ASAP1: variants seen among roughly 807,000 people sequenced by gnomAD.
ASAP1 encodes arf-GAP with SH3 domain, ANK repeat and PH domain-containing protein 1.
Under a neutral mutation model 145.2 loss-of-function variants are expected in ASAP1, and 43 were observed. That is an observed-to-expected ratio of 0.30 (90% CI 0.23 to 0.38). The LOEUF is 0.38. Among genes scored for constraint, ASAP1 ranks in the 10% least tolerant of loss-of-function variants. ASAP1 has a pLI of 1.00. For missense variants in ASAP1, 1,018 were observed against 1,355.3 expected, an observed-to-expected ratio of 0.75 and a Z score of 3.91; for synonymous variants, 546 against 515.5, an observed-to-expected ratio of 1.06 and a Z score of -0.80.
At chr8:130,064,892 A>AATGT (rs1241923340) in intron 27 of ASAP1, among the ~76,000 whole-genome samples, 4 of 106,022 alleles carry the variant, frequency 3.8e-5, no homozygotes, top group African/African-American at 1.6e-4. Flanking sequence ...GTTTACTAAG[A>AATGT]ATGTGTGTGT....
At chr8:130,288,192 G>C (rs975777064) in intron 3 of ASAP1, among the ~76,000 whole-genome samples, 1 of 152,166 alleles carries the variant, frequency 6.6e-6, no homozygotes. Context: ...GAAGCTGCTT[G>C]AGGCTTTTCA....
intron 3 of ASAP1, among the ~76,000 whole-genome samples, chr8:130,326,785 T>A (rs1477102129): frequency 6.6e-6 from 1 of 152,254 alleles, no homozygotes; most frequent in Non-Finnish European, 1.5e-5. Flanking sequence ...AGCATTAATT[T>A]AATGCTTCTC....
chr8:130,190,885 A>C (rs930139044), intron 5 of ASAP1, among the ~76,000 whole-genome samples: 1 of 152,134 alleles, frequency 6.6e-6, no homozygotes, highest in Non-Finnish European at 1.5e-5. Context: ...ATTTGAAGTC[A>C]GGTAATGTGA....
At chr8:130,362,358 C>T (rs975157830) in intron 2 of ASAP1, among the ~76,000 whole-genome samples, 1 of 152,116 alleles carries the variant, frequency 6.6e-6, no homozygotes, top group Non-Finnish European at 1.5e-5. Context: ...CATGGAATGA[C>T]GACAATGGCT....
intron 22 of ASAP1, 23 bp downstream of exon 22, chr8:130,116,655 C>G: frequency 1.2e-6 from 2 of 1,606,020 alleles, no homozygotes; most frequent in Non-Finnish European, 1.7e-6. Flanking sequence ...TCTAATAAAT[C>G]TCCCACGTCC....
chr8:130,256,783 C>G (rs1236400387), intron 3 of ASAP1, among the ~76,000 whole-genome samples: 1 of 55,606 alleles, frequency 1.8e-5, no homozygotes, highest in Admixed American at 1.9e-4. Context: ...ATATATATAT[C>G]CTTATATATA....
chr8:130,138,007 T>C (rs1006399455), intron 13 of ASAP1, among the ~76,000 whole-genome samples: 1 of 152,164 alleles, frequency 6.6e-6, no homozygotes, highest in Non-Finnish European at 1.5e-5. Context: ...TGGACCTATA[T>C]CCCTGTTTCG....
At chr8:130,432,584 C>T (rs966943073) in intron 1 of ASAP1, among the ~76,000 whole-genome samples, 3 of 152,054 alleles carry the variant, frequency 2.0e-5, no homozygotes, top group Non-Finnish European at 2.9e-5. Context: ...AAGGTAGGTG[C>T]TTGGTGTCTC....
intron 3 of ASAP1, among the ~76,000 whole-genome samples, chr8:130,316,417 T>G (rs2137601061): frequency 6.6e-6 from 1 of 152,362 alleles, no homozygotes; most frequent in African/African-American, 2.4e-5. Context: ...GCTGATGTGC[T>G]GCCCCAACAT....
At chr8:130,189,053 T>C (rs1373870642) in intron 5 of ASAP1, among the ~76,000 whole-genome samples, 5 of 152,208 alleles carry the variant, frequency 3.3e-5, no homozygotes, top group Non-Finnish European at 7.3e-5. Flanking sequence ...GGATACATAA[T>C]AGTTGTATTT....
In ASAP1 at chr8:130,127,845, T is replaced by C. The variant is rs570965886; in HGVS notation, c.1381+82A>G. ...GTGAGTGTGTCCATAGGGGTTAAGG[T>C]TTTTCAATAACTAGATCGTTTTATA... On this transcript the variant is annotated intron_variant, in intron 16 of 29. Transcript: ENST00000518721. 16 of 1,516,172 alleles carry C rather than the reference T, an allele frequency of 1.1e-5. No homozygotes were observed. In the East Asian group the frequency reaches 3.7e-4, roughly 35 times the overall value. 93.9% of individuals were successfully genotyped at this position (1,516,172 alleles called of 1,614,324 possible).
chr8:130,165,948 G>A (rs1328681530), intron 11 of ASAP1, among the ~76,000 whole-genome samples: 1 of 152,156 alleles, frequency 6.6e-6, no homozygotes, highest in African/African-American at 2.4e-5. Context: ...CTATTGTTGT[G>A]TGATAGTATT....
At chr8:130,309,639 T>C (rs1158151139) in intron 3 of ASAP1, among the ~76,000 whole-genome samples, 1 of 152,156 alleles carries the variant, frequency 6.6e-6, no homozygotes, top group East Asian at 1.9e-4. Flanking sequence ...AGGAGTGCTA[T>C]GCAGAGGGTA....
chr8:130,142,704 A>G (rs1325828950), intron 13 of ASAP1, among the ~76,000 whole-genome samples: 2 of 152,206 alleles, frequency 1.3e-5, no homozygotes, highest in Non-Finnish European at 2.9e-5. Flanking sequence ...AAGTGTGATA[A>G]GCAGGTCCAA....
intron 27 of ASAP1, among the ~76,000 whole-genome samples, chr8:130,070,692 G>C (rs1021647225): frequency 6.6e-6 from 1 of 151,476 alleles, no homozygotes; most frequent in African/African-American, 2.4e-5. Context: ...TGCTGTCTCA[G>C]GTGATGTCCA....
chr8:130,108,995 G>C (rs897219408), intron 24 of ASAP1, among the ~76,000 whole-genome samples: 1 of 151,790 alleles, frequency 6.6e-6, no homozygotes, highest in South Asian at 2.1e-4. Flanking sequence ...GGGTGGTCTC[G>C]AACTCCCGAC....
intron 16 of ASAP1, 77 bp downstream of exon 16, chr8:130,127,850 C>G: frequency 6.5e-7 from 1 of 1,530,864 alleles, no homozygotes; most frequent in Non-Finnish European, 8.8e-7. Flanking sequence ...TAAGGTTTTT[C>G]AATAACTAGA....
At chr8:130,244,393 G>A (rs567610171) in intron 3 of ASAP1, among the ~76,000 whole-genome samples, 2 of 152,236 alleles carry the variant, frequency 1.3e-5, no homozygotes, top group East Asian at 3.9e-4. Flanking sequence ...AAACAAGAAT[G>A]CCCATTCCTG....
At chr8:130,429,209 A>G (rs1830053988) in intron 1 of ASAP1, among the ~76,000 whole-genome samples, 1 of 152,046 alleles carries the variant, frequency 6.6e-6, no homozygotes, top group Admixed American at 6.5e-5. Context: ...CTCTGTGGAG[A>G]GCTTATTTGT....
Sources: allele counts gnomAD v4.1 joint callset (sites outside exome capture counted in the v4.1 genomes callset), GRCh38; gene constraint gnomAD v4.1.1; transcripts MANE v1.5; gene names NCBI Gene and HGNC (gene_info 2026-07-23, HGNC 2026-07-21).